The following C2orf15 variants were observed in gnomAD, a reference collection of about 807,000 sequenced individuals.
The protein encoded by C2orf15 is chromosome 2 open reading frame 15.
C2orf15 carries 3 observed loss-of-function variants against 4.4 expected under a neutral mutation model. The ratio of observed to expected loss-of-function variants is 0.67; its 90% confidence interval spans 0.31 to 1.74. The LOEUF (loss-of-function observed/expected upper bound fraction) is 1.74, where lower values mean the gene tolerates loss of function less well. C2orf15 is among the 40% of genes most tolerant of loss of function. The pLI is 0.09. For missense variants in C2orf15, 90 were observed against 103.3 expected (o/e 0.87, Z 0.56); for synonymous variants, 37 against 36.8 (o/e 1.00, Z -0.02).
chr2:99,144,249 C>A (rs1398153585), intron 2 of C2orf15, among the ~76,000 whole-genome samples: 2 of 151,880 alleles, frequency 1.3e-5, no homozygotes, highest in Admixed American at 1.3e-4. Flanking sequence ...TCTCGATCTC[C>A]TGACCTCATG....
chr2:99,143,746 T>C (rs1411812093), intron 2 of C2orf15, among the ~76,000 whole-genome samples: 1 of 152,084 alleles, frequency 6.6e-6, no homozygotes, highest in Non-Finnish European at 1.5e-5. Context: ...GCTGGGATTA[T>C]ATGCATGAGC....
intron 2 of C2orf15, 43 bp from the exon 3 acceptor site, chr2:99,147,359 A>T: frequency 9.3e-7 from 1 of 1,075,068 alleles, no homozygotes; most frequent in Non-Finnish European, 1.4e-6. Flanking sequence ...CTCCAGATTG[A>T]TTTATCTCTT....
rs1363682913 is a variant in C2orf15 at position 99,147,500 on chromosome 2, C to T, written c.-77+7C>T. The T allele has an allele frequency of 1.2e-6, 2 of 1,613,626 alleles. No homozygotes were observed. The highest frequency in any genetic ancestry group is 1.7e-6 in the Non-Finnish European group (2 of 1,179,550). ...CAACTCTGGGGAAGTTAAGGTAAGA[C>T]TCACAGGGCCAAGTCTACCCTATTA... On this transcript the variant is annotated splice_region_variant and intron_variant, in intron 3 of 3. Coordinates refer to ENST00000650052, the MANE Select transcript of C2orf15 (RefSeq NM_144706.4).
chr2:99,142,934 C>T (rs1050919620), intron 2 of C2orf15, among the ~76,000 whole-genome samples: 10 of 152,082 alleles, frequency 6.6e-5, no homozygotes, highest in African/African-American at 2.2e-4. Context: ...CTTATGTATG[C>T]CACCTAGACG....
At chr2:99,147,161 G>GT (rs529557495) in intron 2 of C2orf15, 76 of 300,296 alleles carry the variant, frequency 2.5e-4, no homozygotes, top group Admixed American at 4.3e-4. Flanking sequence ...ATATCTTTTT[G>GT]TTTTTTTTAA....
intron 2 of C2orf15, among the ~76,000 whole-genome samples, chr2:99,142,939 T>TA (rs1343393719): frequency 6.6e-6 from 1 of 152,164 alleles, no homozygotes; most frequent in Non-Finnish European, 1.5e-5. Flanking sequence ...GTATGCCACC[T>TA]AGACGGTACT....
intron 2 of C2orf15, among the ~76,000 whole-genome samples, chr2:99,146,679 A>G (rs1185628715): frequency 6.6e-6 from 1 of 151,798 alleles, no homozygotes; most frequent in Non-Finnish European, 1.5e-5. Flanking sequence ...CCCAGGCTGG[A>G]GTGCAATGGT....
In C2orf15 at chr2:99,142,350, T is replaced by G. The variant is rs1223321300; in HGVS notation, c.-220T>G. On this transcript the variant is annotated 5_prime_UTR_variant, in exon 2 of 4. Coordinates refer to ENST00000650052, the MANE Select transcript of C2orf15 (RefSeq NM_144706.4). Reference sequence around the variant, plus strand: ...CCTTGATATGGTAGAACGCTGTGTATTTCAAGAGTAAGCTCTCGTTTGAGG... The same window carrying G: ...CCTTGATATGGTAGAACGCTGTGTAGTTCAAGAGTAAGCTCTCGTTTGAGG... The G allele has an allele frequency of 6.6e-6, 1 of 152,222 alleles. No homozygotes were observed. Among genetic ancestry groups the G allele is most frequent in the Non-Finnish European group, 1.5e-5 (1 of 68,036 alleles). The allele number at this position is 152,222 out of a possible 1,614,324, so 9.4% of individuals were successfully genotyped here.
intron 3 of C2orf15, among the ~76,000 whole-genome samples, chr2:99,148,667 A>T (rs1559156240): frequency 6.6e-6 from 1 of 152,188 alleles, no homozygotes; most frequent in Non-Finnish European, 1.5e-5. Context: ...TTAAAGACAT[A>T]ATACATTCTA....
In C2orf15 at chr2:99,145,084, G is replaced by T. The variant is rs906427458; in HGVS notation, c.-168-2318G>T. Among the ~76,000 whole-genome samples the T allele has an allele frequency of 9.6e-4, 146 of 152,176 alleles. 1 individual carries two copies. Among genetic ancestry groups the T allele is most frequent in the African/African-American group, 3.5e-3 (144 of 41,436 alleles). On this transcript the variant is annotated intron_variant, in intron 2 of 3. Transcript: ENST00000650052. ...GGGCTAAAATCAAGATGTCAGGCAGGTCTACATTCCTTCTGGAGGCTCTAG... is the reference window on the plus strand; with the variant it reads ...GGGCTAAAATCAAGATGTCAGGCAGTTCTACATTCCTTCTGGAGGCTCTAG...
rs1413268211 is a variant in C2orf15 at position 99,141,865 on chromosome 2, GGC to G, written c.-357_-356del. ...CGGGCGCAGCTCCTGCTGCAGCCAG[GGC>G]CCGTTTTAAGAGAGGCTTCCAGGTC... On this transcript the variant is annotated 5_prime_UTR_variant, in exon 1 of 4. An upstream open reading frame in the 5' UTR loses its in-frame stop. Coordinates refer to ENST00000650052, the MANE Select transcript of C2orf15 (RefSeq NM_144706.4). The G allele has an allele frequency of 6.6e-6, 1 of 152,432 alleles. No homozygotes were observed. Among genetic ancestry groups the G allele is most frequent in the East Asian group, 1.9e-4 (1 of 5,194 alleles). 9.4% of individuals were successfully genotyped at this position (152,432 alleles called of 1,614,324 possible).
chr2:99,142,944 G>A lies in C2orf15; in HGVS notation c.-169+543G>A, dbSNP rs942573107. On this transcript the variant is annotated intron_variant, in intron 2 of 3. Coordinates refer to ENST00000650052, the MANE Select transcript of C2orf15 (RefSeq NM_144706.4). ...AAGCACTTATGTATGCCACCTAGACGGTACTGAAGATTATTTGGAAAGAAT... is the reference window on the plus strand; with the variant it reads ...AAGCACTTATGTATGCCACCTAGACAGTACTGAAGATTATTTGGAAAGAAT... 5.9e-5 allele frequency among the ~76,000 whole-genome samples: 9 copies of A among 151,856 alleles called. No homozygotes were observed. The South Asian group carries it at 1.0e-3, about 18-fold the overall frequency.
At chr2:99,150,408 C>G (rs1345965840) in intron 3 of C2orf15, 75 bp from the exon 4 acceptor site, 1 of 822,740 alleles carries the variant, frequency 1.2e-6, no homozygotes, top group Non-Finnish European at 1.9e-6. Flanking sequence ...CACAGCTTTT[C>G]ATTCAAACAA....
chr2:99,147,361 TTA>T, intron 2 of C2orf15, 39 bp from the exon 3 acceptor site: 1 of 1,080,666 alleles, frequency 9.3e-7, no homozygotes, highest in Non-Finnish European at 1.4e-6. Context: ...CCAGATTGAT[TTA>T]TCTCTTTATG....
At position 99,145,489 on chromosome 2, in the gene C2orf15, C is replaced by T. The variant is rs181987936; in HGVS notation, c.-168-1913C>T. ...ACGAGAATCACTTGAACCCAGGAGG[C>T]GGAGGCTGCAGTCACCCTAGATCAC... On this transcript the variant is annotated intron_variant, in intron 2 of 3. Coordinates refer to ENST00000650052, the MANE Select transcript of C2orf15 (RefSeq NM_144706.4). 5.3e-5 allele frequency among the ~76,000 whole-genome samples: 8 copies of T among 151,448 alleles called. No individual in the cohort carries two copies. In the East Asian group the frequency reaches 1.6e-3, roughly 30 times the overall value.
chr2:99,149,169 C>CA (rs35343264), intron 3 of C2orf15, among the ~76,000 whole-genome samples: 72,615 of 122,994 alleles, frequency 0.59, 21,093 homozygotes, highest in East Asian at 0.87. Context: ...AACTCCATCT[C>CA]AAAAAAAAAA....
rs70940140 is a variant in C2orf15, at chr2:99,144,649, CAAAA to C, written c.-169+2267_-169+2270del. On this transcript the variant is annotated intron_variant, in intron 2 of 3. Coordinates refer to ENST00000650052, the MANE Select transcript of C2orf15 (RefSeq NM_144706.4). The stretch of plus-strand genomic sequence containing the variant: ...GGGGGACAAGAACAAAACTCTGTCT[CAAAA>C]AAAAAAAAAAAAAAAAAAGATGCTG... Among the ~76,000 whole-genome samples the C allele has an allele frequency of 2.3e-4, 12 of 52,266 alleles. 1 individual carries two copies. The highest frequency in any genetic ancestry group is 2.2e-3 in the South Asian group (2 of 926). 34.3% of individuals were successfully genotyped at this position (52,266 alleles called of 152,430 possible). A position where few individuals can be genotyped will look rare whatever the true frequency, so the allele number is the denominator to read the frequency against.
chr2:99,148,603 C>T (rs1041299187), intron 3 of C2orf15, among the ~76,000 whole-genome samples: 1 of 152,172 alleles, frequency 6.6e-6, no homozygotes, highest in African/African-American at 2.4e-5. Context: ...TCAGTAATTA[C>T]AGCTTGATGA....
At position 99,147,411 on chromosome 2, in the gene C2orf15, T is replaced by A; in HGVS notation, c.-159T>A. 1 of 1,542,140 alleles carries A rather than the reference T, an allele frequency of 6.5e-7. No homozygotes were observed. Among genetic ancestry groups the A allele is most frequent in the Non-Finnish European group, 9.0e-7 (1 of 1,115,014 alleles). On this transcript the variant is annotated 5_prime_UTR_variant, in exon 3 of 4. Transcript: ENST00000650052. ...TACATATATATTCCAGATTTCTTCT[T>A]GAATGGCAACCTAAATGCCAGTCCA...
Sources: gnomAD v4.1 joint callset for allele counts (sites outside exome capture counted in the v4.1 genomes callset) on GRCh38, gnomAD v4.1.1 for gene constraint, MANE v1.5 for transcripts, NCBI Gene and HGNC (gene_info 2026-07-23, HGNC 2026-07-21) for gene names.